TCOF1: variants seen among roughly 807,000 people sequenced by gnomAD.
TCOF1 encodes treacle protein.
TCOF1 carries 33 observed loss-of-function variants against 149.0 expected under a neutral mutation model. The ratio of observed to expected loss-of-function variants is 0.22; its 90% CI spans 0.17 to 0.30. The LOEUF (loss-of-function observed/expected upper bound fraction) is 0.30, where lower values mean the gene tolerates loss of function less well. Ranked by LOEUF, TCOF1 falls within the 10% of genes least tolerant of loss-of-function variation. The pLI is 1.00. For synonymous variants in TCOF1, 789 were observed against 738.8 expected, an observed-to-expected ratio of 1.07 and a Z score of -1.10; for missense variants, 1,728 against 1,840.7, an observed-to-expected ratio of 0.94 and a Z score of 1.12.
chr5:150,372,712 C>G (rs1762815604), intron 7 of TCOF1, among the ~76,000 whole-genome samples: 1 of 131,796 alleles, frequency 7.6e-6, no homozygotes, highest in Non-Finnish European at 1.8e-5. Flanking sequence ...GTCACCCACC[C>G]AGCCCCAGGC....
rs781291110 is a variant in TCOF1 at position 150,396,440 on chromosome 5, T to A, written c.3943T>A (p.Ser1315Thr). ...CCTGAATGAGGCCCAGGTGCAGGCC[T>A]CAGTGGTGAAGGTCCTGACTGAGCT... Reference protein sequence around the residue: ...WPLNEAQVQASVVKVLTELLE... With the variant: ...WPLNEAQVQATVVKVLTELLE... Residue 1315 changes from serine to threonine, a missense_variant, in exon 24 of 27, where the codon TCA becomes ACA. Physicochemically the swap from Ser to Thr is moderately conservative, Grantham distance 58. This residue lies in a region of TCOF1 where 1,696 missense variants were observed against 1,765.4 expected (regional missense o/e 0.96). Coordinates refer to ENST00000643257, the MANE Select transcript of TCOF1 (RefSeq NM_001371623.1). 2.5e-6 allele frequency: 4 copies of A among 1,613,960 alleles called. No homozygotes were observed. The East Asian group carries it at 6.7e-5, about 27-fold the overall frequency.
rs1762632226 is a variant in TCOF1, at chr5:150,371,988, T to A, written c.640-18T>A. On this transcript the variant is annotated intron_variant, in intron 6 of 26. Transcript: ENST00000643257. ...CAGTAATTATTATTCATTTTCTAATTCCATCCTCTTGTTCCAGGGGAAACC... is the reference window on the plus strand; with the variant it reads ...CAGTAATTATTATTCATTTTCTAATACCATCCTCTTGTTCCAGGGGAAACC... 2 of 1,603,710 alleles carry A rather than the reference T, an allele frequency of 1.2e-6. No homozygotes were observed. The highest frequency in any genetic ancestry group is 1.1e-5 in the South Asian group (1 of 90,878).
chr5:150,372,261 C>G (rs1021699123), intron 7 of TCOF1, 25 bp downstream of exon 7: 2 of 1,584,196 alleles, frequency 1.3e-6, no homozygotes, highest in Admixed American at 1.8e-5. Context: ...AGGGCTGCCC[C>G]TTGGAGGACC....
intron 3 of TCOF1, among the ~76,000 whole-genome samples, chr5:150,365,253 CTTTT>C (rs991524826): frequency 8.6e-6 from 1 of 116,498 alleles, no homozygotes. Flanking sequence ...CTTTTTCTTT[CTTTT>C]TTTTTTTTTT....
rs137960641 is a variant in TCOF1 at position 150,393,480 on chromosome 5, G to A, written c.3712G>A (p.Ala1238Thr). The change falls in exon 23 of 27, where the codon GCC becomes ACC. Residue 1238 changes from alanine (A) to threonine (T), a missense_variant. Transcript: ENST00000643257. ...SSPSVSSTLA[A>T]KDDPDGKQEA... ...CCCCTCAGTTTCCTCTACTCTGGCC[G>A]CCAAAGATGACCCAGATGGCAAGCA... The A allele has an allele frequency of 6.9e-4, 1,115 of 1,614,118 alleles. 3 individuals are homozygous for A. Among genetic ancestry groups the A allele is most frequent in the African/African-American group, 6.0e-3 (452 of 75,010 alleles).
At chr5:150,365,926 G>A (rs535606712) in intron 3 of TCOF1, among the ~76,000 whole-genome samples, 11 of 151,920 alleles carry the variant, frequency 7.2e-5, no homozygotes, top group African/African-American at 1.7e-4. Context: ...TTGGAGACCC[G>A]CCTGGGCAAC....
intron 1 of TCOF1, among the ~76,000 whole-genome samples, chr5:150,358,558 C>A (rs1007061636): frequency 6.6e-6 from 1 of 152,112 alleles, no homozygotes; most frequent in African/African-American, 2.4e-5. Flanking sequence ...AGGGATGGGC[C>A]GGGCACGGTA....
At chr5:150,367,798 G>A in intron 3 of TCOF1, 46 bp from the exon 4 acceptor site, 1 of 1,608,286 alleles carries the variant, frequency 6.2e-7, no homozygotes, top group South Asian at 1.1e-5. Context: ...ATTCATAGAT[G>A]AGAAAAGCTC....
chr5:150,392,233 G>A, intron 21 of TCOF1, 57 bp downstream of exon 21: 1 of 1,570,082 alleles, frequency 6.4e-7, no homozygotes, highest in Non-Finnish European at 8.7e-7. Context: ...TGTGTGGCCT[G>A]GTGGAGCCAT....
intron 23 of TCOF1, 51 bp from the exon 24 acceptor site, chr5:150,396,231 A>G (rs1216759096): frequency 6.2e-7 from 1 of 1,604,066 alleles, no homozygotes; most frequent in Admixed American, 1.7e-5. Context: ...GTACCATAAG[A>G]TCTGTCCCCC....
At chr5:150,392,932 C>T (rs1767740902) in intron 22 of TCOF1, 142 bp downstream of exon 22, 3 of 1,027,048 alleles carry the variant, frequency 2.9e-6, no homozygotes, top group African/African-American at 3.2e-5. Flanking sequence ...GTCTGCAAGG[C>T]ACCACGTGTG....
chr5:150,379,866 G>A (rs370915138), intron 17 of TCOF1, 134 bp downstream of exon 17: 2 of 1,085,004 alleles, frequency 1.8e-6, no homozygotes, highest in Non-Finnish European at 2.8e-6. Flanking sequence ...GAGGTCAGGG[G>A]TTCAAGACCA....
At chr5:150,381,583 C>T (rs1016573950) in intron 17 of TCOF1, among the ~76,000 whole-genome samples, 6 of 152,226 alleles carry the variant, frequency 3.9e-5, no homozygotes, top group African/African-American at 1.4e-4. Flanking sequence ...GTAGGCCCTC[C>T]CAGGTGCTTG....
intron 14 of TCOF1, among the ~76,000 whole-genome samples, chr5:150,377,743 C>T (rs1764152406): frequency 2.0e-5 from 3 of 152,178 alleles, no homozygotes; most frequent in Admixed American, 6.5e-5. Flanking sequence ...CAATGCCTTA[C>T]AGAGTTTCAT....
intron 24 of TCOF1, 108 bp downstream of exon 24, chr5:150,396,950 G>A: frequency 6.6e-6 from 9 of 1,356,426 alleles, no homozygotes; most frequent in Non-Finnish European, 9.2e-6. Flanking sequence ...GTAGAAAAGA[G>A]AGGCTGAGAC....
chr5:150,391,840 G>A, intron 20 of TCOF1, 117 bp from the exon 21 acceptor site: 2 of 1,186,752 alleles, frequency 1.7e-6, no homozygotes, highest in Non-Finnish European at 2.5e-6. Context: ...AGGATCAAAT[G>A]AGGCTGCATG....
intron 2 of TCOF1, among the ~76,000 whole-genome samples, chr5:150,362,758 C>T (rs1378925291): frequency 6.6e-6 from 1 of 152,222 alleles, no homozygotes; most frequent in Admixed American, 6.5e-5. Context: ...ACAGCCCACA[C>T]TTCCTCACCC....
intron 19 of TCOF1, among the ~76,000 whole-genome samples, chr5:150,390,495 C>T (rs2295223): frequency 0.057 from 8,704 of 152,190 alleles, 337 homozygotes; most frequent in East Asian, 0.11. Flanking sequence ...ACTTAGCACA[C>T]ATCCCCACCC....
chr5:150,367,805 G>A (rs762158460), intron 3 of TCOF1, 39 bp from the exon 4 acceptor site: 1 of 1,605,934 alleles, frequency 6.2e-7, no homozygotes, highest in Non-Finnish European at 8.5e-7. Context: ...GATGAGAAAA[G>A]CTCATCTGGC....
Sources: gnomAD v4.1 joint callset for allele counts (sites outside exome capture counted in the v4.1 genomes callset) on GRCh38, gnomAD v4.1.1 for gene constraint, gnomAD v4.1.1 regional missense constraint, MANE v1.5 for transcripts, NCBI Gene and HGNC (gene_info 2026-07-23, HGNC 2026-07-21) for gene names.